Variants in COL21A1 observed in about 807,000 individuals in gnomAD.
COL21A1 encodes collagen type XXI alpha 1 chain.
In COL21A1, 149 loss-of-function variants were observed where a neutral mutation model predicts 137.9. The observed-to-expected ratio is 1.08, with a 90% confidence interval of 0.95 to 1.24. The LOEUF (loss-of-function observed/expected upper bound fraction) is 1.24, where lower values mean the gene tolerates loss of function less well. Among genes scored for constraint, COL21A1 ranks in the 50% most tolerant of loss-of-function variants. The pLI, the probability that COL21A1 is intolerant of heterozygous loss-of-function variation, is 0.00. For missense variants in COL21A1, 1,167 were observed against 1,158.4 expected (o/e 1.01, Z -0.11); for synonymous variants, 456 against 391.5 (o/e 1.16, Z -1.95).
chr6:56,341,833 A>G (rs1765477351), intron 1 of COL21A1, among the ~76,000 whole-genome samples: 1 of 152,242 alleles, frequency 6.6e-6, no homozygotes, highest in Non-Finnish European at 1.5e-5. Context: ...CAGGGCATAT[A>G]TGAGAGGCCT....
intron 17 of COL21A1, among the ~76,000 whole-genome samples, chr6:56,098,698 T>TGA (rs1770106956): frequency 1.4e-5 from 1 of 70,708 alleles, no homozygotes; most frequent in Non-Finnish European, 2.7e-5. Context: ...AATATATAAA[T>TGA]ATATATATAA....
intron 1 of COL21A1, among the ~76,000 whole-genome samples, chr6:56,207,495 G>C (rs952239996): frequency 2.0e-5 from 3 of 152,048 alleles, no homozygotes; most frequent in African/African-American, 7.2e-5. Flanking sequence ...GGAAGAAGTC[G>C]AGTCCCTGAA....
At chr6:56,239,566 A>T (rs1782136317) in intron 1 of COL21A1, among the ~76,000 whole-genome samples, 1 of 152,002 alleles carries the variant, frequency 6.6e-6, no homozygotes, top group Non-Finnish European at 1.5e-5. Flanking sequence ...CAAATTTAAA[A>T]TTTTTTTTCA....
At chr6:56,294,646 A>G (rs1042375531) in intron 1 of COL21A1, among the ~76,000 whole-genome samples, 4 of 152,088 alleles carry the variant, frequency 2.6e-5, no homozygotes, top group Non-Finnish European at 5.9e-5. Flanking sequence ...ATGGGCTTTG[A>G]CAAATGTATA....
At chr6:56,198,534 C>A (rs1779182239) in intron 1 of COL21A1, among the ~76,000 whole-genome samples, 1 of 151,908 alleles carries the variant, frequency 6.6e-6, no homozygotes, top group Non-Finnish European at 1.5e-5. Flanking sequence ...AATTGTTAAA[C>A]CTCACATAAA....
At chr6:56,331,470 G>C (rs1765222721) in intron 1 of COL21A1, among the ~76,000 whole-genome samples, 1 of 151,910 alleles carries the variant, frequency 6.6e-6, no homozygotes, top group African/African-American at 2.4e-5. Flanking sequence ...TGAAAGATGG[G>C]GGTCCAGTTT....
rs77543237 is a variant in COL21A1 at position 56,204,272 on chromosome 6, C to T, written c.-38-21616G>A. ...GCTGCTAGGACAGCAGTCTGAGATG[C>T]TTGAGCTTGGTATGGGGAGGGGCAT... On this transcript the variant is annotated intron_variant, in intron 1 of 29. Transcript: ENST00000244728. 8.2e-3 allele frequency among the ~76,000 whole-genome samples: 1,251 copies of T among 152,076 alleles called. 20 individuals are homozygous for T. The highest frequency in any genetic ancestry group is 0.029 in the African/African-American group (1,206 of 41,492).
At chr6:56,377,218 T>C (rs560440166) in intron 1 of COL21A1, among the ~76,000 whole-genome samples, 6 of 152,228 alleles carry the variant, frequency 3.9e-5, no homozygotes, top group Middle Eastern at 3.4e-3. Flanking sequence ...CTCAAACTCC[T>C]GACCTTGTGA....
In COL21A1 at chr6:56,164,840, A is replaced by G. The variant is rs1362133423; in HGVS notation, c.1279-18T>C. 5 of 1,518,384 alleles carry G rather than the reference A, an allele frequency of 3.3e-6. No homozygotes were observed. The highest frequency in any genetic ancestry group is 4.5e-6 in the Non-Finnish European group (5 of 1,114,836). The allele number at this position is 1,518,384 out of a possible 1,614,324, so 94.1% of individuals were successfully genotyped here. A position where few individuals can be genotyped will look rare whatever the true frequency, so the allele number is the denominator to read the frequency against. ...TCTCCATTCTGAAAGAAAAACAACAAATGTGTTTTAAAATGTTTTAAATAA... is the reference window on the plus strand; with the variant it reads ...TCTCCATTCTGAAAGAAAAACAACAGATGTGTTTTAAAATGTTTTAAATAA... On this transcript the variant is annotated intron_variant, in intron 7 of 29. Coordinates refer to ENST00000244728, the MANE Select transcript of COL21A1 (RefSeq NM_030820.4).
chr6:56,316,141 T>A (rs1764727462), intron 1 of COL21A1, among the ~76,000 whole-genome samples: 1 of 152,216 alleles, frequency 6.6e-6, no homozygotes, highest in African/African-American at 2.4e-5. Flanking sequence ...TGTTTTGATA[T>A]ATGTATACAC....
upstream of COL21A1, among the ~76,000 whole-genome samples, chr6:56,252,121 C>A (rs1314565199): frequency 6.6e-6 from 1 of 152,184 alleles, no homozygotes; most frequent in Non-Finnish European, 1.5e-5. Flanking sequence ...GTATCAATTT[C>A]TCCTAGGATC....
chr6:56,057,402 T>C lies in COL21A1; in HGVS notation c.*255A>G, dbSNP rs1229215052. 1 of 423,122 alleles carries C rather than the reference T, an allele frequency of 2.4e-6. No individual in the cohort carries two copies. The highest frequency in any genetic ancestry group is 4.2e-6 in the Non-Finnish European group (1 of 239,612). The allele number at this position is 423,122 out of a possible 1,614,324, so 26.2% of individuals were successfully genotyped here. The stretch of plus-strand genomic sequence containing the variant: ...CAATGGTGGATTTTTATATTCAACT[T>C]TGATTAACATAAATGGACTTTACAA... On this transcript the variant is annotated 3_prime_UTR_variant, in exon 30 of 30. Coordinates refer to ENST00000244728, the MANE Select transcript of COL21A1 (RefSeq NM_030820.4).
At chr6:56,260,685 A>AGGC (rs1763243219) in intron 1 of COL21A1, among the ~76,000 whole-genome samples, 1 of 105,216 alleles carries the variant, frequency 9.5e-6, no homozygotes, top group African/African-American at 4.9e-5. Flanking sequence ...GGAAGGAAGG[A>AGGC]AGGAAGGCAG....
intron 16 of COL21A1, among the ~76,000 whole-genome samples, chr6:56,115,984 G>A (rs1461899910): frequency 6.6e-6 from 1 of 151,808 alleles, no homozygotes; most frequent in Non-Finnish European, 1.5e-5. Flanking sequence ...AGTCAGAGGA[G>A]ACAAATAATA....
chr6:56,237,430 G>A lies in COL21A1; in HGVS notation c.-39+9957C>T, dbSNP rs1463723931. Reference sequence around the variant, plus strand: ...AATGAAAGAGTAGATAAAGTAGAAAGCATAAACACATTTAGGTTTTAAATT... The same window carrying A: ...AATGAAAGAGTAGATAAAGTAGAAAACATAAACACATTTAGGTTTTAAATT... On this transcript the variant is annotated intron_variant, in intron 1 of 29. Coordinates refer to ENST00000244728, the MANE Select transcript of COL21A1 (RefSeq NM_030820.4). Among the ~76,000 whole-genome samples the A allele has an allele frequency of 2.0e-5, 3 of 152,238 alleles. No individual in the cohort carries two copies. In the South Asian group the frequency reaches 6.2e-4, roughly 32 times the overall value.
At chr6:56,143,978 T>A (rs1189511044) in intron 10 of COL21A1, among the ~76,000 whole-genome samples, 1 of 152,194 alleles carries the variant, frequency 6.6e-6, no homozygotes, top group Non-Finnish European at 1.5e-5. Context: ...TAATCTCATG[T>A]TTCCTGTTCT....
chr6:56,066,865 T>C (rs965695436), intron 23 of COL21A1, among the ~76,000 whole-genome samples: 11 of 151,726 alleles, frequency 7.2e-5, no homozygotes, highest in African/African-American at 2.7e-4. Flanking sequence ...CTTTCACATA[T>C]TGATTTGAAT....
At chr6:56,060,259 G>T in intron 27 of COL21A1, 41 bp from the exon 28 acceptor site, 1 of 1,438,606 alleles carries the variant, frequency 7.0e-7, no homozygotes. Context: ...TGTTTAAATG[G>T]TGAGTTGGTG....
intron 1 of COL21A1, among the ~76,000 whole-genome samples, chr6:56,215,836 T>C (rs1780445743): frequency 1.3e-5 from 2 of 152,096 alleles, no homozygotes; most frequent in Admixed American, 1.3e-4. Context: ...GAATCTCCTT[T>C]TCCTGAATAC....
Sources: allele counts gnomAD v4.1 joint callset (sites outside exome capture counted in the v4.1 genomes callset), GRCh38; gene constraint gnomAD v4.1.1; transcripts MANE v1.5; gene names NCBI Gene and HGNC (gene_info 2026-07-23, HGNC 2026-07-21).